PTPRN2: variants seen among roughly 807,000 people sequenced by gnomAD.
The protein encoded by PTPRN2 is protein tyrosine phosphatase receptor type N2.
In PTPRN2, 74 loss-of-function variants were observed where a neutral mutation model predicts 118.8. The ratio of observed to expected loss-of-function variants is 0.62; its 90% CI spans 0.52 to 0.76. The LOEUF (loss-of-function observed/expected upper bound fraction) is 0.76. Ranked by LOEUF, PTPRN2 falls within the 30% of genes least tolerant of loss-of-function variation. PTPRN2 has a pLI of 0.00. For synonymous variants in PTPRN2, 641 were observed against 608.0 expected (o/e 1.05, Z -0.80); for missense variants, 1,481 against 1,394.4 (o/e 1.06, Z -0.99).
In PTPRN2 at chr7:158,525,645, A is replaced by T. The variant is rs926766207; in HGVS notation, c.113-35860T>A. Reference sequence around the variant, plus strand: ...ATTATTATTCAGCATAATCACACATATTACGGGGATTTTTAAAGATCCTTT... The same window carrying T: ...ATTATTATTCAGCATAATCACACATTTTACGGGGATTTTTAAAGATCCTTT... On this transcript the variant is annotated intron_variant, in intron 1 of 22. Coordinates refer to ENST00000389418, the MANE Select transcript of PTPRN2 (RefSeq NM_002847.5). This position sits in a 1 kb window ranked among gnomAD's most constrained non-coding sequence, Gnocchi z 4.1. Among the ~76,000 whole-genome samples the T allele has an allele frequency of 2.0e-5, 3 of 152,150 alleles. No homozygotes were observed. Among genetic ancestry groups the T allele is most frequent in the African/African-American group, 7.2e-5 (3 of 41,424 alleles).
intron 2 of PTPRN2, among the ~76,000 whole-genome samples, chr7:158,387,575 T>TGAAGCACTCTCTGGCTC (rs61116708): frequency 6.6e-6 from 1 of 150,832 alleles, no homozygotes. Context: ...CCCTGTCAGC[T>TGAAGCACTCTCTGGCTC]CAGCTTGGCC....
In PTPRN2 at chr7:158,105,825, G is replaced by A. The variant is rs370781848; in HGVS notation, c.1643+5004C>T. 6.0e-5 allele frequency among the ~76,000 whole-genome samples: 9 copies of A among 150,702 alleles called. No individual in the cohort carries two copies. The South Asian group carries it at 8.4e-4, about 14-fold the overall frequency. ...AATTTCCATCCTAGCTCCATCTTACGCCATGCAGCCCCATCCAGCTCCATT... is the reference window on the plus strand; with the variant it reads ...AATTTCCATCCTAGCTCCATCTTACACCATGCAGCCCCATCCAGCTCCATT... On this transcript the variant is annotated intron_variant, in intron 10 of 22. Coordinates refer to ENST00000389418, the MANE Select transcript of PTPRN2 (RefSeq NM_002847.5).
chr7:158,226,344 G>A (rs186038897), intron 3 of PTPRN2, among the ~76,000 whole-genome samples: 221 of 152,338 alleles, frequency 1.5e-3, no homozygotes, highest in Non-Finnish European at 2.5e-3. Context: ...AGGTGTCAAG[G>A]TTAACTGCAA....
chr7:157,764,769 C>A lies in PTPRN2; in HGVS notation c.1789-81832G>T, dbSNP rs762670399. Among the ~76,000 whole-genome samples the A allele has an allele frequency of 6.6e-6, 1 of 152,122 alleles. No individual in the cohort carries two copies. The highest frequency in any genetic ancestry group is 1.5e-5 in the Non-Finnish European group (1 of 68,020). On this transcript the variant is annotated intron_variant, in intron 12 of 22. Coordinates refer to ENST00000389418, the MANE Select transcript of PTPRN2 (RefSeq NM_002847.5). This position sits in a 1 kb window ranked among gnomAD's most constrained non-coding sequence, Gnocchi z 4.5. ...TAAAAAATAAAAGAGTGAGAGACTG[C>A]GTGCCTGGCATACAGCAGGGGACAG...
intron 11 of PTPRN2, among the ~76,000 whole-genome samples, chr7:157,912,845 G>C (rs1041085316): frequency 2.0e-5 from 3 of 152,166 alleles, no homozygotes; most frequent in Non-Finnish European, 4.4e-5. Flanking sequence ...CCTGGCCCAG[G>C]TGTCTCTCCG....
intron 12 of PTPRN2, among the ~76,000 whole-genome samples, chr7:157,848,346 A>C (rs901347083): frequency 3.5e-4 from 48 of 136,202 alleles, no homozygotes; most frequent in Middle Eastern, 5.1e-3. Context: ...TCATGGGTGC[A>C]GTATGTTTAC....
chr7:158,049,350 C>T (rs1208334154), intron 11 of PTPRN2, among the ~76,000 whole-genome samples: 1 of 152,202 alleles, frequency 6.6e-6, no homozygotes, highest in Non-Finnish European at 1.5e-5. Flanking sequence ...ACATGTTCAG[C>T]CCTCTCTGCT....
At chr7:157,909,293 A>G (rs557972241) in intron 11 of PTPRN2, among the ~76,000 whole-genome samples, 1 of 152,382 alleles carries the variant, frequency 6.6e-6, no homozygotes, top group South Asian at 2.1e-4. Flanking sequence ...AGCTTCACAT[A>G]GACTTTTAAA....
intron 3 of PTPRN2, among the ~76,000 whole-genome samples, chr7:158,233,784 T>G (rs1829328447): frequency 2.6e-5 from 4 of 152,080 alleles, no homozygotes. Flanking sequence ...CACAGACCAA[T>G]GGAACAGAAT....
chr7:158,482,545 G>T (rs1343729300), intron 2 of PTPRN2, among the ~76,000 whole-genome samples: 1 of 152,158 alleles, frequency 6.6e-6, no homozygotes, highest in Non-Finnish European at 1.5e-5. Flanking sequence ...TTTAATGAAG[G>T]CCTGTACATT....
At chr7:158,516,517 TTGTTCTTGGTGC>T (rs1195365123) in intron 1 of PTPRN2, among the ~76,000 whole-genome samples, 1 of 152,054 alleles carries the variant, frequency 6.6e-6, no homozygotes, top group Non-Finnish European at 1.5e-5. Context: ...TTTCTGCCTA[TTGTTCTTGGTGC>T]TGTTCTTGGT....
At chr7:158,515,373 G>A (rs1184691833) in intron 1 of PTPRN2, among the ~76,000 whole-genome samples, 1 of 152,056 alleles carries the variant, frequency 6.6e-6, no homozygotes, top group Non-Finnish European at 1.5e-5. Context: ...TTTCAGTAGA[G>A]ATGGGGTTTC....
chr7:157,861,670 G>C lies in PTPRN2; in HGVS notation c.1788+37003C>G, dbSNP rs78166105. On this transcript the variant is annotated intron_variant, in intron 12 of 22. Coordinates refer to ENST00000389418, the MANE Select transcript of PTPRN2 (RefSeq NM_002847.5). The surrounding 1 kb of genome is among the most constrained non-coding windows in gnomAD (Gnocchi z 5.8). ...CTCACAGGCTGGGTTTGGAGACCTTGCTTGGAGGTGTCTGCAGGGCCTTGA... is the reference window on the plus strand; with the variant it reads ...CTCACAGGCTGGGTTTGGAGACCTTCCTTGGAGGTGTCTGCAGGGCCTTGA... Among the ~76,000 whole-genome samples, 536 of 152,336 alleles carry C rather than the reference G, an allele frequency of 3.5e-3. 5 individuals carry two copies. Among genetic ancestry groups the C allele is most frequent in the African/African-American group, 0.012 (485 of 41,580 alleles).
rs1001249845 is a variant in PTPRN2, at chr7:157,629,194, C to G, written c.2197-7685G>C. 5.9e-5 allele frequency among the ~76,000 whole-genome samples: 9 copies of G among 152,188 alleles called. No individual in the cohort carries two copies. The East Asian group carries it at 1.7e-3, about 29-fold the overall frequency. On this transcript the variant is annotated intron_variant, in intron 14 of 22. Coordinates refer to ENST00000389418, the MANE Select transcript of PTPRN2 (RefSeq NM_002847.5). The surrounding 1 kb of genome is among the most constrained non-coding windows in gnomAD (Gnocchi z 4.4). Reference sequence around the variant, plus strand: ...GAATCCCGTCCACAGGCACTGGGATCCTGGGTCAGCCAATGCTGATTCACC... The same window carrying G: ...GAATCCCGTCCACAGGCACTGGGATGCTGGGTCAGCCAATGCTGATTCACC...
chr7:158,175,421 T>A (rs761126895), intron 5 of PTPRN2, among the ~76,000 whole-genome samples: 37 of 152,264 alleles, frequency 2.4e-4, no homozygotes, highest in Non-Finnish European at 4.0e-4. Flanking sequence ...AGAGAGGTGA[T>A]TCTGGCAGCT....
intron 12 of PTPRN2, among the ~76,000 whole-genome samples, chr7:157,870,080 T>C (rs1810958737): frequency 6.6e-6 from 1 of 152,188 alleles, no homozygotes; most frequent in South Asian, 2.1e-4. Context: ...AGGATCTTGA[T>C]TCCGCTGTTA....
At chr7:158,107,323 C>T (rs545010575) in intron 10 of PTPRN2, among the ~76,000 whole-genome samples, 1 of 152,256 alleles carries the variant, frequency 6.6e-6, no homozygotes, top group South Asian at 2.1e-4. Context: ...TAGGAAGCTC[C>T]CTCAAACCCT....
intron 14 of PTPRN2, among the ~76,000 whole-genome samples, chr7:157,624,702 C>T (rs921795743): frequency 3.3e-5 from 5 of 152,148 alleles, no homozygotes; most frequent in African/African-American, 4.8e-5. Flanking sequence ...AGTTGGGGGC[C>T]GTCTATACTG....
intron 12 of PTPRN2, among the ~76,000 whole-genome samples, chr7:157,760,477 G>C (rs967894145): frequency 2.0e-5 from 3 of 152,060 alleles, no homozygotes; most frequent in Admixed American, 6.6e-5. Context: ...GCCCAGAGCA[G>C]CTGCTCCACA....
Sources: allele counts gnomAD v4.1 joint callset (sites outside exome capture counted in the v4.1 genomes callset), GRCh38; gene constraint gnomAD v4.1.1; non-coding constraint Gnocchi (gnomAD v3.1); transcripts MANE v1.5; gene names NCBI Gene and HGNC (gene_info 2026-07-23, HGNC 2026-07-21).